LRPPRC: variants seen among roughly 807,000 people sequenced by gnomAD.
LRPPRC encodes leucine-rich PPR motif-containing protein, mitochondrial.
Under a neutral mutation model 180.3 loss-of-function variants are expected in LRPPRC, and 120 were observed. The observed-to-expected ratio is 0.67, with a 90% CI of 0.57 to 0.77. LRPPRC has a LOEUF of 0.77. LRPPRC is among the 30% of genes least tolerant of loss of function. The pLI is 0.00. For missense variants in LRPPRC, 2,012 were observed against 1,657.2 expected, an observed-to-expected ratio of 1.21 and a Z score of -3.72; for synonymous variants, 723 against 600.0, an observed-to-expected ratio of 1.21 and a Z score of -3.00.
At position 43,901,480 on chromosome 2, in the gene LRPPRC, G is replaced by A. The variant is rs773731477; in HGVS notation, c.3409C>T (p.Pro1137Ser). Reference sequence around the variant, plus strand: ...ACACGGGTCACTGCTAACCTAGAAGGGGTCTGCTGCTGATCCAATACTGTT... The same window carrying A: ...ACACGGGTCACTGCTAACCTAGAAGAGGTCTGCTGCTGATCCAATACTGTT... The part of the protein sequence containing the change: ...LKTVLDQQQT[P>S]SRLAVTRVIQ... Residue 1137 changes from proline (P) to serine (S), a missense_variant, in exon 32 of 38, where the codon CCT (proline) becomes TCT (serine). By Grantham distance (74) the Pro-to-Ser change is moderately conservative. Transcript: ENST00000260665. The A allele has an allele frequency of 6.2e-7, 1 of 1,614,010 alleles. No homozygotes were observed. Among genetic ancestry groups the A allele is most frequent in the Admixed American group, 1.7e-5 (1 of 60,006 alleles).
At chr2:43,995,709 G>C in intron 1 of LRPPRC, 90 bp downstream of exon 1, 1 of 1,207,322 alleles carries the variant, frequency 8.3e-7, no homozygotes, top group Non-Finnish European at 1.1e-6. Context: ...AGGGTGGCGA[G>C]CACAGGCAGG....
chr2:43,939,796 A>G (rs1489626661), intron 23 of LRPPRC, among the ~76,000 whole-genome samples: 8 of 152,238 alleles, frequency 5.3e-5, no homozygotes, highest in African/African-American at 1.9e-4. Context: ...CACTTACTTT[A>G]AAATTTACTC....
chr2:43,939,307 AAAC>A (rs201718164), intron 23 of LRPPRC, among the ~76,000 whole-genome samples: 10,386 of 146,644 alleles, frequency 0.071, 499 homozygotes, highest in South Asian at 0.13. Context: ...ATAAAAATAA[AAAC>A]AACAACAACA....
intron 32 of LRPPRC, among the ~76,000 whole-genome samples, chr2:43,901,010 GA>G (rs1479532062): frequency 6.6e-6 from 1 of 152,100 alleles, no homozygotes; most frequent in Non-Finnish European, 1.5e-5. Context: ...AAACAAATGA[GA>G]TCATTTTTCA....
rs769736493 is a variant in LRPPRC at position 43,963,670 on chromosome 2, C to G, written c.1406G>C (p.Gly469Ala). The G allele has an allele frequency of 2.5e-6, 4 of 1,608,346 alleles. No homozygotes were observed. Residue 469 changes from glycine to alanine, a missense_variant, in exon 12 of 38, where the codon GGA becomes GCA. Coordinates refer to ENST00000260665, the MANE Select transcript of LRPPRC (RefSeq NM_133259.4). ...IEILKGMQEL[G>A]VHPDQETYTD... ...ATATGTTTCCTGATCAGGATGTACT[C>G]CCAATTCTTGCATTCCTTTGAGGAT...
At chr2:43,927,672 T>C (rs569612383) in intron 25 of LRPPRC, among the ~76,000 whole-genome samples, 3 of 152,346 alleles carry the variant, frequency 2.0e-5, no homozygotes, top group East Asian at 1.9e-4. Context: ...ACTTTCAATA[T>C]TACTGCTGAT....
chr2:43,923,448 C>T (rs770254500), intron 27 of LRPPRC, among the ~76,000 whole-genome samples: 12 of 152,196 alleles, frequency 7.9e-5, no homozygotes, highest in Admixed American at 2.0e-4. Context: ...GCTCTGATCG[C>T]ACCACTGTAC....
At chr2:43,990,809 C>G (rs1271906672) in intron 1 of LRPPRC, among the ~76,000 whole-genome samples, 1 of 150,098 alleles carries the variant, frequency 6.7e-6, no homozygotes, top group Admixed American at 6.7e-5. Context: ...CCGAATGTTA[C>G]AGATTTCAGA....
chr2:43,962,624 C>T (rs1195222863), intron 12 of LRPPRC, among the ~76,000 whole-genome samples: 2 of 152,134 alleles, frequency 1.3e-5, no homozygotes, highest in Admixed American at 6.5e-5. Flanking sequence ...AATGCACTGT[C>T]CCAATCAACA....
intron 36 of LRPPRC, chr2:43,890,181 G>C (rs1670436049): frequency 9.5e-6 from 4 of 422,154 alleles, no homozygotes; most frequent in African/African-American, 6.1e-5. Context: ...GATAGTTCAA[G>C]TGACCACAAA....
chr2:43,921,432 CT>C (rs1373753968), intron 27 of LRPPRC, among the ~76,000 whole-genome samples: 2 of 152,082 alleles, frequency 1.3e-5, no homozygotes, highest in Non-Finnish European at 2.9e-5. Context: ...AAGTATTTTT[CT>C]TGTGAATTTA....
intron 1 of LRPPRC, among the ~76,000 whole-genome samples, chr2:43,988,975 T>C (rs1674655524): frequency 6.6e-6 from 1 of 152,018 alleles, no homozygotes. Flanking sequence ...CCTCAAGCAA[T>C]CCTCCCACCT....
intron 27 of LRPPRC, among the ~76,000 whole-genome samples, chr2:43,923,579 T>C (rs775697763): frequency 1.3e-5 from 2 of 152,218 alleles, no homozygotes; most frequent in African/African-American, 4.8e-5. Context: ...TACCACATAC[T>C]TACAGTTGTT....
chr2:43,986,524 A>G (rs187933031), intron 1 of LRPPRC, among the ~76,000 whole-genome samples: 3 of 152,330 alleles, frequency 2.0e-5, no homozygotes, highest in Admixed American at 6.5e-5. Flanking sequence ...CAAGAGTTTA[A>G]AGGTAGATAC....
At chr2:43,947,851 T>A (rs1309548604) in intron 18 of LRPPRC, 76 bp from the exon 19 acceptor site, 1 of 951,980 alleles carries the variant, frequency 1.1e-6, no homozygotes. Flanking sequence ...AAAAGCAAAT[T>A]TGTAAGTCTC....
intron 11 of LRPPRC, among the ~76,000 whole-genome samples, chr2:43,967,294 G>C (rs1051041661): frequency 7.2e-5 from 11 of 152,018 alleles, no homozygotes; most frequent in African/African-American, 2.7e-4. Context: ...GTCCCACTGA[G>C]GCTGAGGTGG....
chr2:43,928,796 C>T (rs957853963), intron 25 of LRPPRC, among the ~76,000 whole-genome samples: 2 of 151,962 alleles, frequency 1.3e-5, no homozygotes, highest in African/African-American at 4.8e-5. Flanking sequence ...CCCACCCCAA[C>T]CCAAGTACCG....
intron 11 of LRPPRC, among the ~76,000 whole-genome samples, chr2:43,965,032 T>G (rs902634828): frequency 6.6e-6 from 1 of 152,140 alleles, no homozygotes; most frequent in Non-Finnish European, 1.5e-5. Context: ...GACTGAATAT[T>G]GCTCGGTCGC....
At chr2:43,908,138 G>A (rs563571302) in intron 30 of LRPPRC, among the ~76,000 whole-genome samples, 8 of 152,270 alleles carry the variant, frequency 5.3e-5, no homozygotes, top group East Asian at 3.9e-4. Flanking sequence ...CAAGAGGAAC[G>A]ACAGAAAATC....
Sources: gnomAD v4.1 joint callset for allele counts (sites outside exome capture counted in the v4.1 genomes callset) on GRCh38, gnomAD v4.1.1 for gene constraint, MANE v1.5 for transcripts, NCBI Gene and HGNC (gene_info 2026-07-23, HGNC 2026-07-21) for gene names.